Variants in CPEB2 observed in about 807,000 individuals in gnomAD.
CPEB2 encodes the protein cytoplasmic polyadenylation element binding protein 2.
A neutral mutation model predicts 93.6 loss-of-function variants in CPEB2; 56 were observed. The observed-to-expected ratio is 0.60, with a 90% confidence interval of 0.48 to 0.75. The LOEUF is 0.75. CPEB2 is among the 30% of genes least tolerant of loss of function. CPEB2 has a pLI of 0.00. For synonymous variants in CPEB2, 764 were observed against 586.3 expected (o/e 1.30, Z -4.38); for missense variants, 1,579 against 1,395.1 (o/e 1.13, Z -2.10).
In CPEB2 at chr4:15,017,293, A is replaced by T. The variant is rs532841475; in HGVS notation, c.2125+15A>T. The T allele has an allele frequency of 9.3e-5, 128 of 1,379,022 alleles. No individual in the cohort carries two copies. In the African/African-American group the frequency reaches 1.4e-3, roughly 15 times the overall value. The allele number at this position is 1,379,022 out of a possible 1,614,324, so 85.4% of individuals were successfully genotyped here. A position where few individuals can be genotyped will look rare whatever the true frequency, so the allele number is the denominator to read the frequency against. On this transcript the variant is annotated intron_variant, in intron 4 of 11. Transcript: ENST00000538197. ...TCCTCTTAAGGGTAGGTGACTTTTTAAAAAAATATATGTTTATATTATACA... is the reference window on the plus strand; with the variant it reads ...TCCTCTTAAGGGTAGGTGACTTTTTTAAAAAATATATGTTTATATTATACA...
At chr4:15,007,947 A>G (rs1723040380) in intron 2 of CPEB2, among the ~76,000 whole-genome samples, 1 of 152,158 alleles carries the variant, frequency 6.6e-6, no homozygotes, top group Non-Finnish European at 1.5e-5. Context: ...TATGTTCTGT[A>G]ATTGTAACTG....
chr4:15,007,744 C>A (rs1338049920), intron 2 of CPEB2, 158 bp downstream of exon 2: 1 of 457,622 alleles, frequency 2.2e-6, no homozygotes, highest in Non-Finnish European at 3.7e-6. Context: ...AATATCTATA[C>A]AGAGAAAATT....
At chr4:15,064,168 C>T (rs1438957906) in intron 11 of CPEB2, among the ~76,000 whole-genome samples, 1 of 152,068 alleles carries the variant, frequency 6.6e-6, no homozygotes, top group Non-Finnish European at 1.5e-5. Context: ...GGAAAGCAGT[C>T]ACCACAGATG....
At chr4:15,011,104 T>TTC (rs1214791009) in intron 3 of CPEB2, among the ~76,000 whole-genome samples, 1 of 147,710 alleles carries the variant, frequency 6.8e-6, no homozygotes, top group Non-Finnish European at 1.5e-5. Flanking sequence ...TTCTTTTCTT[T>TTC]TTTTTTTTTT....
At chr4:15,037,293 A>G (rs2109040621) in intron 5 of CPEB2, among the ~76,000 whole-genome samples, 1 of 152,108 alleles carries the variant, frequency 6.6e-6, no homozygotes, top group Non-Finnish European at 1.5e-5. Flanking sequence ...CCTGGGCGAC[A>G]GAGCAAGACT....
chr4:15,067,896 A>T lies in CPEB2; in HGVS notation c.*1516A>T, dbSNP rs759931961. ...GAATTTTGGTAATGACTTTGCTTGC[A>T]GGTTTTTTGGGGTGTTTTGAGAAAG... On this transcript the variant is annotated 3_prime_UTR_variant, in exon 12 of 12. Transcript: ENST00000538197. 12 of 152,308 alleles carry T rather than the reference A, an allele frequency of 7.9e-5. No individual in the cohort carries two copies. Among genetic ancestry groups the T allele is most frequent in the Non-Finnish European group, 1.2e-4 (8 of 67,880 alleles). 9.4% of individuals were successfully genotyped at this position (152,308 alleles called of 1,614,324 possible). A position where few individuals can be genotyped will look rare whatever the true frequency, so the allele number is the denominator to read the frequency against.
rs755115063 is a variant in CPEB2 at position 15,068,504 on chromosome 4, A to G, written c.*2124A>G. Reference sequence around the variant, plus strand: ...GATTTTTCCAACAGTCAGCTATTTTATGGCACACTTTTTTTGACTGATGAC... The same window carrying G: ...GATTTTTCCAACAGTCAGCTATTTTGTGGCACACTTTTTTTGACTGATGAC... On this transcript the variant is annotated 3_prime_UTR_variant, in exon 12 of 12. Coordinates refer to ENST00000538197, the MANE Select transcript of CPEB2 (RefSeq NM_001177382.2). 2.0e-5 allele frequency: 3 copies of G among 152,306 alleles called. No individual in the cohort carries two copies. The highest frequency in any genetic ancestry group is 7.2e-5 in the African/African-American group (3 of 41,514). The allele number at this position is 152,306 out of a possible 1,614,324, so 9.4% of individuals were successfully genotyped here. A position where few individuals can be genotyped will look rare whatever the true frequency, so the allele number is the denominator to read the frequency against.
At chr4:15,010,093 A>T (rs1236370985) in intron 3 of CPEB2, among the ~76,000 whole-genome samples, 1 of 152,216 alleles carries the variant, frequency 6.6e-6, no homozygotes, top group Non-Finnish European at 1.5e-5. Flanking sequence ...GGTGGGGGAA[A>T]AAAGAGATAA....
chr4:15,011,851 A>G (rs985310200), intron 3 of CPEB2, among the ~76,000 whole-genome samples: 9 of 152,180 alleles, frequency 5.9e-5, no homozygotes, highest in African/African-American at 9.7e-5. Flanking sequence ...CACCTGGGGA[A>G]TTATCAATAT....
chr4:15,020,816 A>G (rs892418235), intron 4 of CPEB2, among the ~76,000 whole-genome samples: 4 of 152,240 alleles, frequency 2.6e-5, no homozygotes, highest in Admixed American at 6.5e-5. Flanking sequence ...GATTCCTTAT[A>G]CAAATACAAT....
At chr4:15,059,484 C>G (rs1311988694) in intron 10 of CPEB2, among the ~76,000 whole-genome samples, 183 bp downstream of exon 10, 1 of 152,152 alleles carries the variant, frequency 6.6e-6, no homozygotes, top group Non-Finnish European at 1.5e-5. Context: ...CCTCTTGAAA[C>G]TCTCCAACTG....
At chr4:15,044,997 C>G (rs1331401433) in intron 6 of CPEB2, among the ~76,000 whole-genome samples, 3 of 152,092 alleles carry the variant, frequency 2.0e-5, no homozygotes, top group African/African-American at 7.2e-5. Flanking sequence ...ATTATACTTG[C>G]ATTTGTAGGT....
chr4:15,031,970 C>T (rs959638073), intron 4 of CPEB2, among the ~76,000 whole-genome samples: 3 of 152,068 alleles, frequency 2.0e-5, no homozygotes, highest in Admixed American at 6.5e-5. Context: ...AAGGTAGATG[C>T]AGTTCATCTG....
At chr4:15,012,863 A>G (rs1723669854) in intron 3 of CPEB2, among the ~76,000 whole-genome samples, 1 of 152,070 alleles carries the variant, frequency 6.6e-6, no homozygotes. Context: ...TTGGAAGAGT[A>G]CCTCATTTTC....
At chr4:15,065,292 G>T (rs1255671775) in intron 11 of CPEB2, among the ~76,000 whole-genome samples, 3 of 152,046 alleles carry the variant, frequency 2.0e-5, no homozygotes, top group Non-Finnish European at 4.4e-5. Flanking sequence ...TGTCAATCCA[G>T]TCCTTCAGAA....
In CPEB2 at chr4:15,052,451, T is replaced by C; in HGVS notation, c.2238T>C (p.Leu746=). ...TCTTTCCAATAGATGATGGCTTGCT[T>C]GATGATGGTCACAGTGATCAAGTTG... ...SSLFPIDDGL[L]DDGHSDQVGV... is the part of the protein sequence containing the mutation. The change falls in exon 7 of 12, where the codon CTT becomes CTC. Residue 746 remains leucine (L), a synonymous_variant. Coordinates refer to ENST00000538197, the MANE Select transcript of CPEB2 (RefSeq NM_001177382.2). 6.4e-7 allele frequency: 1 copy of C among 1,567,924 alleles called. No individual in the cohort carries two copies. The highest frequency in any genetic ancestry group is 1.8e-5 in the Admixed American group (1 of 56,542).
chr4:15,049,627 C>T (rs915155662), intron 6 of CPEB2, among the ~76,000 whole-genome samples: 2 of 152,006 alleles, frequency 1.3e-5, no homozygotes, highest in African/African-American at 4.8e-5. Context: ...GAAGAGTTTC[C>T]TTTCTATTGA....
chr4:15,020,332 T>C (rs1232535322), intron 4 of CPEB2, among the ~76,000 whole-genome samples: 2 of 152,138 alleles, frequency 1.3e-5, no homozygotes, highest in East Asian at 3.9e-4. Context: ...AGTGGTAAAT[T>C]TGTATTCAAT....
intron 4 of CPEB2, among the ~76,000 whole-genome samples, chr4:15,023,657 A>G (rs545059166): frequency 6.2e-4 from 95 of 152,112 alleles, no homozygotes; most frequent in African/African-American, 1.5e-3. Context: ...TAGTAGTGCT[A>G]TAAGTCTTAT....
Sources: allele counts gnomAD v4.1 joint callset (sites outside exome capture counted in the v4.1 genomes callset), GRCh38; gene constraint gnomAD v4.1.1; transcripts MANE v1.5; gene names NCBI Gene and HGNC (gene_info 2026-07-23, HGNC 2026-07-21).